The following MYO1E variants were observed in gnomAD, a reference collection of about 807,000 sequenced individuals.
MYO1E encodes the protein myosin IE, also known as unconventional myosin-Ie.
MYO1E carries 68 observed loss-of-function variants against 151.1 expected under a neutral mutation model. The ratio of observed to expected loss-of-function variants is 0.45; its 90% CI spans 0.37 to 0.55. The LOEUF (loss-of-function observed/expected upper bound fraction) is 0.55. MYO1E is among the 20% of genes least tolerant of loss of function. The pLI is 0.00. For synonymous variants in MYO1E, 601 were observed against 501.7 expected, an observed-to-expected ratio of 1.20 and a Z score of -2.64; for missense variants, 1,363 against 1,389.3, an observed-to-expected ratio of 0.98 and a Z score of 0.30.
At chr15:59,171,399 G>A (rs577775577) in intron 22 of MYO1E, 1 of 182,614 alleles carries the variant, frequency 5.5e-6, no homozygotes, top group East Asian at 1.5e-4. Flanking sequence ...CTGAGAATTG[G>A]AGCGAAGAGA....
intron 27 of MYO1E, 134 bp downstream of exon 27, chr15:59,138,064 C>A (rs2079384047): frequency 9.3e-7 from 1 of 1,078,000 alleles, no homozygotes. Flanking sequence ...CAGACTGAGC[C>A]TGAGGCCTGA....
intron 4 of MYO1E, among the ~76,000 whole-genome samples, chr15:59,241,063 C>A (rs2080096801): frequency 6.6e-6 from 1 of 152,152 alleles, no homozygotes; most frequent in Admixed American, 6.5e-5. Flanking sequence ...TAAACGAAGT[C>A]ACAACTAGTT....
chr15:59,237,380 G>T (rs912602595), intron 4 of MYO1E, among the ~76,000 whole-genome samples: 3 of 152,146 alleles, frequency 2.0e-5, no homozygotes, highest in African/African-American at 7.2e-5. Flanking sequence ...ACCTTCCGCT[G>T]GGTAGCCTTC....
intron 1 of MYO1E, among the ~76,000 whole-genome samples, chr15:59,343,400 G>A (rs915833708): frequency 5.3e-5 from 8 of 151,802 alleles, no homozygotes; most frequent in Admixed American, 2.0e-4. Context: ...TCCATCATAT[G>A]TTATTTGTTT....
At chr15:59,267,504 A>G (rs181044749) in intron 2 of MYO1E, among the ~76,000 whole-genome samples, 160 of 152,284 alleles carry the variant, frequency 1.1e-3, no homozygotes, top group Middle Eastern at 6.8e-3. Flanking sequence ...CTGTCTTGCT[A>G]TATAGCATGC....
chr15:59,138,922 T>A (rs2079390472), intron 26 of MYO1E, among the ~76,000 whole-genome samples: 1 of 152,088 alleles, frequency 6.6e-6, no homozygotes, highest in African/African-American at 2.4e-5. Flanking sequence ...GGTCACATGC[T>A]CAACAACTGG....
chr15:59,266,099 C>G (rs1372334297), intron 2 of MYO1E, among the ~76,000 whole-genome samples: 1 of 152,128 alleles, frequency 6.6e-6, no homozygotes, highest in Non-Finnish European at 1.5e-5. Context: ...AATTGTTTAT[C>G]TAAACAATTC....
intron 3 of MYO1E, among the ~76,000 whole-genome samples, chr15:59,260,832 T>A (rs1221830151): frequency 4.6e-5 from 7 of 152,168 alleles, no homozygotes; most frequent in African/African-American, 1.4e-4. Context: ...AGCAGGAAGA[T>A]CCCTAAGCTG....
chr15:59,141,338 G>A (rs1392123793), intron 26 of MYO1E, among the ~76,000 whole-genome samples: 4 of 152,090 alleles, frequency 2.6e-5, no homozygotes, highest in African/African-American at 7.2e-5. Flanking sequence ...CCACAGACAC[G>A]TCCCTCATAT....
rs1310575922 is a variant in MYO1E, at chr15:59,173,712, T to C, written c.2334+34A>G. ...GTTATTAAAAAAATAAGGAATCTGT[T>C]TGGTGATCTCAGAGGCAGGCAGTTA... On this transcript the variant is annotated intron_variant, in intron 21 of 27. Transcript: ENST00000288235. 1.9e-6 allele frequency: 3 copies of C among 1,610,358 alleles called. No individual in the cohort carries two copies. The African/African-American group carries it at 4.0e-5, about 22-fold the overall frequency.
At chr15:59,169,957 C>G (rs941774140) in intron 22 of MYO1E, among the ~76,000 whole-genome samples, 1 of 152,076 alleles carries the variant, frequency 6.6e-6, no homozygotes, top group Admixed American at 6.6e-5. Flanking sequence ...GTCGGGAGTT[C>G]AAGACGAGCC....
intron 9 of MYO1E, among the ~76,000 whole-genome samples, chr15:59,220,219 C>A (rs909741210): frequency 6.6e-6 from 1 of 152,214 alleles, no homozygotes; most frequent in Non-Finnish European, 1.5e-5. Flanking sequence ...GAGGCCCAGG[C>A]AGGCATATCA....
intron 3 of MYO1E, among the ~76,000 whole-genome samples, chr15:59,256,916 T>A (rs913907066): frequency 6.6e-6 from 1 of 152,136 alleles, no homozygotes; most frequent in Admixed American, 6.5e-5. Flanking sequence ...AATCTTTCCA[T>A]AAGAAGAGGG....
intron 5 of MYO1E, among the ~76,000 whole-genome samples, chr15:59,233,661 TAAAAAAAAAAAA>T (rs11285934): frequency 3.8e-5 from 3 of 78,376 alleles, no homozygotes; most frequent in African/African-American, 9.5e-5. Context: ...AGACTCCGTC[TAAAAAAAAAAAA>T]AAAAAAAAAA....
At chr15:59,231,268 T>C (rs2080026241) in intron 6 of MYO1E, among the ~76,000 whole-genome samples, 1 of 152,208 alleles carries the variant, frequency 6.6e-6, no homozygotes, top group African/African-American at 2.4e-5. Flanking sequence ...AGGTGCCAGA[T>C]CAGTCTAACT....
At chr15:59,270,472 G>A (rs1212600732) in intron 2 of MYO1E, among the ~76,000 whole-genome samples, 2 of 151,134 alleles carry the variant, frequency 1.3e-5, no homozygotes, top group Admixed American at 1.3e-4. Flanking sequence ...GAGCCGGGGA[G>A]GCGGAGGTTG....
intron 25 of MYO1E, 32 bp downstream of exon 25, chr15:59,158,255 T>C (rs1314180882): frequency 2.0e-6 from 3 of 1,484,810 alleles, no homozygotes; most frequent in Admixed American, 3.9e-5. Context: ...CCAGATTTAG[T>C]GGTCCCAGAC....
intron 18 of MYO1E, among the ~76,000 whole-genome samples, chr15:59,185,103 TGA>T (rs1212261762): frequency 1.3e-5 from 2 of 152,216 alleles, no homozygotes; most frequent in African/African-American, 2.4e-5. Context: ...AAATGTCTCT[TGA>T]GATCTTTTGC....
chr15:59,222,996 T>C lies in MYO1E; in HGVS notation c.910+63A>G, dbSNP rs201880692. On this transcript the variant is annotated intron_variant, in intron 9 of 27. Coordinates refer to ENST00000288235, the MANE Select transcript of MYO1E (RefSeq NM_004998.4). ...TTGAGATCTAAGCAAAGGAAAGTGC[T>C]AGGTTACTTCTAATCAGAGCTAGCC... The C allele has an allele frequency of 3.4e-4, 546 of 1,605,202 alleles. 2 individuals are homozygous for C. Among genetic ancestry groups the C allele is most frequent in the Middle Eastern group, 1.9e-3 (9 of 4,770 alleles).
Sources: gnomAD v4.1 joint callset for allele counts (sites outside exome capture counted in the v4.1 genomes callset) on GRCh38, gnomAD v4.1.1 for gene constraint, MANE v1.5 for transcripts, NCBI Gene and HGNC (gene_info 2026-07-23, HGNC 2026-07-21) for gene names.